Variants in MIPOL1 observed in about 807,000 individuals in gnomAD.
The protein encoded by MIPOL1 is mirror-image polydactyly gene 1 protein.
Under a neutral mutation model 60.9 loss-of-function variants are expected in MIPOL1, and 57 were observed. That is an observed-to-expected ratio of 0.94 (90% confidence interval 0.76 to 1.17). The LOEUF is 1.17. MIPOL1 is among the 50% of genes most tolerant of loss of function. The pLI is 0.00. For missense variants in MIPOL1, 551 were observed against 511.6 expected, an observed-to-expected ratio of 1.08 and a Z score of -0.74; for synonymous variants, 179 against 168.8, an observed-to-expected ratio of 1.06 and a Z score of -0.47.
intron 11 of MIPOL1, among the ~76,000 whole-genome samples, chr14:37,443,225 C>T (rs1045009541): frequency 1.1e-4 from 16 of 151,736 alleles, no homozygotes; most frequent in African/African-American, 3.1e-4. Context: ...AAATTGAAGC[C>T]GAAAGCAGGA....
intron 3 of MIPOL1, among the ~76,000 whole-genome samples, chr14:37,250,479 G>A (rs1429455061): frequency 1.3e-5 from 2 of 152,104 alleles, no homozygotes; most frequent in African/African-American, 2.4e-5. Flanking sequence ...CTCCAGTGGC[G>A]GAGGTTGTAG....
In MIPOL1 at chr14:37,367,812, G is replaced by A. The variant is rs556826750; in HGVS notation, c.829-1705G>A. On this transcript the variant is annotated intron_variant, in intron 9 of 12. Coordinates refer to ENST00000684589, the MANE Select transcript of MIPOL1 (RefSeq NM_001388067.1). The stretch of plus-strand genomic sequence containing the variant: ...TAGTAGAGAATATCTCTACTGTATC[G>A]TGAGTACACACGATAGTACAGTTAG... Among the ~76,000 whole-genome samples the A allele has an allele frequency of 5.9e-5, 9 of 151,878 alleles. No homozygotes were observed. The South Asian group carries it at 6.3e-4, about 11-fold the overall frequency.
chr14:37,531,816 C>A (rs2095481238), intron 12 of MIPOL1, among the ~76,000 whole-genome samples: 1 of 152,072 alleles, frequency 6.6e-6, no homozygotes, highest in Admixed American at 6.5e-5. Flanking sequence ...CCTTACAGAG[C>A]TGGCACTGTA....
At chr14:37,270,313 TAAATA>T (rs2083199177) in intron 5 of MIPOL1, 102 bp from the exon 6 acceptor site, 2 of 514,838 alleles carry the variant, frequency 3.9e-6, no homozygotes, top group Non-Finnish European at 6.8e-6. Flanking sequence ...TCTAGGAAGT[TAAATA>T]TAATATAAGA....
intron 11 of MIPOL1, among the ~76,000 whole-genome samples, chr14:37,457,460 T>C (rs2094489888): frequency 6.6e-6 from 1 of 152,178 alleles, no homozygotes; most frequent in Non-Finnish European, 1.5e-5. Flanking sequence ...CACAAAACAC[T>C]TGGCAGTAGT....
At chr14:37,260,545 TTGG>T (rs1357370709) in intron 3 of MIPOL1, among the ~76,000 whole-genome samples, 3 of 152,158 alleles carry the variant, frequency 2.0e-5, no homozygotes, top group East Asian at 1.9e-4. Flanking sequence ...GGTAATTAAC[TTGG>T]TGGTGATATT....
chr14:37,437,277 G>T (rs2094176693), intron 11 of MIPOL1, among the ~76,000 whole-genome samples: 1 of 152,074 alleles, frequency 6.6e-6, no homozygotes, highest in African/African-American at 2.4e-5. Context: ...AAGTTCAAAA[G>T]CCTAGGGATA....
At chr14:37,206,710 A>G (rs111522752) in intron 1 of MIPOL1, among the ~76,000 whole-genome samples, 6,684 of 152,306 alleles carry the variant, frequency 0.044, 338 homozygotes, top group African/African-American at 0.12. Context: ...GAGCTGCCCA[A>G]GATGTAGGAA....
At chr14:37,467,025 C>T (rs965770061) in intron 11 of MIPOL1, among the ~76,000 whole-genome samples, 1 of 152,160 alleles carries the variant, frequency 6.6e-6, no homozygotes, top group African/African-American at 2.4e-5. Flanking sequence ...GACATTCATC[C>T]TTATCATTAG....
At chr14:37,341,213 C>T (rs2153462422) in intron 9 of MIPOL1, among the ~76,000 whole-genome samples, 1 of 152,200 alleles carries the variant, frequency 6.6e-6, no homozygotes, top group East Asian at 1.9e-4. Context: ...CCAATGAGCA[C>T]ATGCTATTGG....
intron 11 of MIPOL1, among the ~76,000 whole-genome samples, chr14:37,498,749 T>G (rs1212925471): frequency 6.6e-6 from 1 of 152,128 alleles, no homozygotes; most frequent in Non-Finnish European, 1.5e-5. Flanking sequence ...GTGGTTTCAT[T>G]TGGTATGCTG....
intron 10 of MIPOL1, among the ~76,000 whole-genome samples, chr14:37,417,826 C>G (rs946249952): frequency 6.6e-6 from 1 of 152,078 alleles, no homozygotes; most frequent in African/African-American, 2.4e-5. Context: ...TTAAATTATA[C>G]CATATTGAAA....
intron 11 of MIPOL1, among the ~76,000 whole-genome samples, chr14:37,431,627 G>A (rs1366870004): frequency 1.6e-5 from 2 of 125,320 alleles, no homozygotes; most frequent in African/African-American, 6.3e-5. Context: ...CGCCCAGGCT[G>A]GAGTGCAGTG....
At chr14:37,539,376 G>C (rs1280034145) in intron 12 of MIPOL1, among the ~76,000 whole-genome samples, 1 of 152,126 alleles carries the variant, frequency 6.6e-6, no homozygotes, top group East Asian at 1.9e-4. Flanking sequence ...TGGCAAAGCA[G>C]GCCCAGGTAT....
intron 7 of MIPOL1, among the ~76,000 whole-genome samples, chr14:37,304,688 G>A (rs2153431155): frequency 6.6e-6 from 1 of 151,922 alleles, no homozygotes; most frequent in East Asian, 1.9e-4. Flanking sequence ...AGAAAAGGGT[G>A]ATATTGACTG....
intron 11 of MIPOL1, among the ~76,000 whole-genome samples, chr14:37,451,220 G>T (rs1189490321): frequency 6.6e-6 from 1 of 151,980 alleles, no homozygotes; most frequent in African/African-American, 2.4e-5. Flanking sequence ...CTTCTTCCTT[G>T]TTCACCTGTG....
At chr14:37,500,272 C>A in intron 12 of MIPOL1, 134 bp downstream of exon 12, 1 of 696,312 alleles carries the variant, frequency 1.4e-6, no homozygotes, top group African/African-American at 1.8e-5. Flanking sequence ...ACCCAGTGAA[C>A]TTTTTTAGAT....
intron 1 of MIPOL1, among the ~76,000 whole-genome samples, chr14:37,207,742 TACC>T (rs961577191): frequency 6.6e-6 from 1 of 151,802 alleles, no homozygotes; most frequent in Non-Finnish European, 1.5e-5. Flanking sequence ...GATGGGGTTT[TACC>T]ACATTGGCCA....
At chr14:37,298,704 T>C (rs947906393) in intron 7 of MIPOL1, among the ~76,000 whole-genome samples, 1 of 152,024 alleles carries the variant, frequency 6.6e-6, no homozygotes, top group Non-Finnish European at 1.5e-5. Context: ...AAAATGCTCA[T>C]CATCACTGGC....
Sources: allele counts gnomAD v4.1 joint callset (sites outside exome capture counted in the v4.1 genomes callset), GRCh38; gene constraint gnomAD v4.1.1; transcripts MANE v1.5; gene names NCBI Gene and HGNC (gene_info 2026-07-23, HGNC 2026-07-21).